NSD3: variants seen among roughly 807,000 people sequenced by gnomAD.
The protein encoded by NSD3 is histone-lysine N-methyltransferase NSD3.
In NSD3, 24 loss-of-function variants were observed where a neutral mutation model predicts 160.8. The observed-to-expected ratio is 0.15, with a 90% CI of 0.11 to 0.21. The LOEUF is 0.21. Among genes scored for constraint, NSD3 ranks in the 10% least tolerant of loss-of-function variants. The pLI is 1.00. For synonymous variants in NSD3, 520 were observed against 600.0 expected, an observed-to-expected ratio of 0.87 and a Z score of 1.95; for missense variants, 1,157 against 1,735.9, an observed-to-expected ratio of 0.67 and a Z score of 5.93.
At chr8:38,278,671 T>A (rs1380579142) in intron 21 of NSD3, among the ~76,000 whole-genome samples, 1 of 152,164 alleles carries the variant, frequency 6.6e-6, no homozygotes, top group Non-Finnish European at 1.5e-5. Context: ...GAAACCAAAG[T>A]GATAGGGTCT....
intron 2 of NSD3, among the ~76,000 whole-genome samples, chr8:38,344,420 C>T (rs1810462686): frequency 6.6e-6 from 1 of 152,096 alleles, no homozygotes; most frequent in Non-Finnish European, 1.5e-5. Context: ...TACAGGTACC[C>T]ACCACCACGC....
At chr8:38,353,264 A>G (rs539659703) in intron 1 of NSD3, among the ~76,000 whole-genome samples, 1 of 152,242 alleles carries the variant, frequency 6.6e-6, no homozygotes, top group East Asian at 1.9e-4. Flanking sequence ...CAACTGAAAC[A>G]TTACCTTAAT....
intron 20 of NSD3, among the ~76,000 whole-genome samples, 176 bp downstream of exon 20, chr8:38,281,291 C>A (rs1392456302): frequency 6.6e-6 from 1 of 152,130 alleles, no homozygotes; most frequent in Non-Finnish European, 1.5e-5. Flanking sequence ...CAGTATCATT[C>A]ATTTTTTTAC....
chr8:38,358,344 C>T (rs999488829), intron 1 of NSD3, among the ~76,000 whole-genome samples: 1 of 152,012 alleles, frequency 6.6e-6, no homozygotes, highest in African/African-American at 2.4e-5. Context: ...GGTCTTCCTT[C>T]ACCCCAGGAT....
At chr8:38,328,296 G>A (rs1318586292) in intron 6 of NSD3, among the ~76,000 whole-genome samples, 3 of 152,152 alleles carry the variant, frequency 2.0e-5, no homozygotes, top group South Asian at 2.1e-4. Context: ...TCTTTGGGGT[G>A]GTAGTGACAA....
intron 12 of NSD3, among the ~76,000 whole-genome samples, chr8:38,306,893 T>A (rs964355227): frequency 2.0e-5 from 3 of 151,998 alleles, no homozygotes; most frequent in Non-Finnish European, 2.9e-5. Flanking sequence ...GGCGGGTGGA[T>A]CACAAGGTCA....
chr8:38,322,720 T>C (rs545655063), intron 7 of NSD3, among the ~76,000 whole-genome samples: 1 of 152,322 alleles, frequency 6.6e-6, no homozygotes, highest in Non-Finnish European at 1.5e-5. Context: ...ATTTCTGGGT[T>C]TGGAAAATAA....
Position 38,314,633 on chromosome 8 carries a change from A to C in NSD3, c.2242+14T>G, listed in dbSNP as rs1809613911. 6.2e-7 allele frequency: 1 copy of C among 1,613,972 alleles called. No homozygotes were observed. Among genetic ancestry groups the C allele is most frequent in the Non-Finnish European group, 8.5e-7 (1 of 1,180,020 alleles). On this transcript the variant is annotated intron_variant, in intron 12 of 23. Transcript: ENST00000317025. ...CATTCATCTTTTCATGACTATCGAA[A>C]TAAGTCATCTTACCAGTTTTACATT...
intron 1 of NSD3, among the ~76,000 whole-genome samples, chr8:38,365,495 C>T (rs946709101): frequency 2.6e-5 from 4 of 152,128 alleles, no homozygotes; most frequent in African/African-American, 7.2e-5. Context: ...TCTTTGAAGA[C>T]GGAGTCTCGC....
At chr8:38,276,164 T>G in intron 23 of NSD3, 132 bp downstream of exon 23, 2 of 1,063,852 alleles carry the variant, frequency 1.9e-6, no homozygotes, top group Non-Finnish European at 2.7e-6. Flanking sequence ...GGGAAAGATT[T>G]TTGCCAGCGT....
Position 38,329,665 on chromosome 8 carries a change from G to C in NSD3, c.1294C>G (p.Gln432Glu). The change falls in exon 6 of 24, where the codon CAG becomes GAG. Residue 432 changes from glutamine to glutamate, a missense_variant. By Grantham distance (29) the Gln-to-Glu change is conservative (BLOSUM62 2). This residue lies in a region of NSD3 where 168 missense variants were observed against 208.1 expected (regional missense o/e 0.81). Coordinates refer to ENST00000317025, the MANE Select transcript of NSD3 (RefSeq NM_023034.2). The surrounding 1 kb of genome is among the most constrained non-coding windows in gnomAD (Gnocchi z 4.8). Reference sequence around the variant, plus strand: ...GAGGCCACCTCCCCTGCATTGGTCTGTTCTGGCTGAGTATTCAGCACAGAT... The same window carrying C: ...GAGGCCACCTCCCCTGCATTGGTCTCTTCTGGCTGAGTATTCAGCACAGAT... ...PRSVLNTQPE[Q>E]TNAGEVASSL... is the part of the protein sequence containing the mutation. 1.2e-6 allele frequency: 2 copies of C among 1,614,230 alleles called. No individual in the cohort carries two copies. The highest frequency in any genetic ancestry group is 2.2e-5 in the South Asian group (2 of 91,090).
At chr8:38,313,758 A>C (rs1809590124) in intron 12 of NSD3, among the ~76,000 whole-genome samples, 1 of 151,006 alleles carries the variant, frequency 6.6e-6, no homozygotes, top group African/African-American at 2.4e-5. Context: ...ACTGCACTCC[A>C]GCCTGGGCGA....
At position 38,317,051 on chromosome 8, in the gene NSD3, C is replaced by A; in HGVS notation, c.1856-1009G>T. On this transcript the variant is annotated intron_variant, in intron 9 of 23. Coordinates refer to ENST00000317025, the MANE Select transcript of NSD3 (RefSeq NM_023034.2). This position sits in a 1 kb window ranked among gnomAD's most constrained non-coding sequence, Gnocchi z 5.3. ...ACAACAAACAGACATCTAGATCAACCCAGCAAGCTATGGTGGAAGTGTGCA... is the reference window on the plus strand; with the variant it reads ...ACAACAAACAGACATCTAGATCAACACAGCAAGCTATGGTGGAAGTGTGCA... The A allele has an allele frequency of 9.4e-7, 1 of 1,060,106 alleles. No individual in the cohort carries two copies. The highest frequency in any genetic ancestry group is 5.2e-5 in the East Asian group (1 of 19,348). 65.7% of individuals were successfully genotyped at this position (1,060,106 alleles called of 1,614,324 possible). A position where few individuals can be genotyped will look rare whatever the true frequency, so the allele number is the denominator to read the frequency against.
At chr8:38,320,213 T>C (rs1809764340) in intron 8 of NSD3, 1 of 152,160 alleles carries the variant, frequency 6.6e-6, no homozygotes, top group Admixed American at 6.5e-5. Flanking sequence ...AATTTGGAAG[T>C]TTAAAATCAT....
Position 38,273,684 on chromosome 8 carries a change from A to G in NSD3, c.*1957T>C, listed in dbSNP as rs1429068172. 1 of 152,230 alleles carries G rather than the reference A, an allele frequency of 6.6e-6. No homozygotes were observed. The highest frequency in any genetic ancestry group is 2.1e-4 in the South Asian group (1 of 4,834). 9.4% of individuals were successfully genotyped at this position (152,230 alleles called of 1,614,324 possible). A position where few individuals can be genotyped will look rare whatever the true frequency, so the allele number is the denominator to read the frequency against. On this transcript the variant is annotated 3_prime_UTR_variant, in exon 24 of 24. Coordinates refer to ENST00000317025, the MANE Select transcript of NSD3 (RefSeq NM_023034.2). ...TTATTTTTTAAAAGGACATCAAACT[A>G]TATAATTGCTCAAGAGCAAAGTTTA...
chr8:38,361,399 G>A (rs553167869), intron 1 of NSD3, among the ~76,000 whole-genome samples: 47 of 152,194 alleles, frequency 3.1e-4, no homozygotes, highest in Middle Eastern at 3.4e-3. Context: ...CAAAGTGCTA[G>A]GCTTATAGGC....
At chr8:38,350,973 CTT>C (rs35184943) in intron 1 of NSD3, among the ~76,000 whole-genome samples, 26 of 134,058 alleles carry the variant, frequency 1.9e-4, no homozygotes, top group Admixed American at 1.5e-4. Context: ...CTAGAAAGTT[CTT>C]TTTTTTTTTT....
intron 4 of NSD3, 115 bp from the exon 5 acceptor site, chr8:38,331,700 T>A (rs1174847568): frequency 9.3e-7 from 1 of 1,078,822 alleles, no homozygotes; most frequent in African/African-American, 1.6e-5. Flanking sequence ...AACTTGTATG[T>A]TTGGATTGTC....
intron 1 of NSD3, among the ~76,000 whole-genome samples, chr8:38,359,967 C>T (rs1810919137): frequency 6.6e-6 from 1 of 151,844 alleles, no homozygotes; most frequent in Non-Finnish European, 1.5e-5. Flanking sequence ...CAAATTATTT[C>T]TCACTAAAAT....
Sources: allele counts gnomAD v4.1 joint callset (sites outside exome capture counted in the v4.1 genomes callset), GRCh38; gene constraint gnomAD v4.1.1; regional missense constraint gnomAD v4.1.1; non-coding constraint Gnocchi (gnomAD v3.1); transcripts MANE v1.5; gene names NCBI Gene and HGNC (gene_info 2026-07-23, HGNC 2026-07-21).